Variants in PCDHGA6 observed in about 807,000 individuals in gnomAD.
PCDHGA6 encodes the protein protocadherin gamma-A6.
PCDHGA6 carries 41 observed loss-of-function variants against 60.6 expected under a neutral mutation model. The ratio of observed to expected loss-of-function variants is 0.68; its 90% CI spans 0.53 to 0.88. The LOEUF (loss-of-function observed/expected upper bound fraction) is 0.88. Among genes scored for constraint, PCDHGA6 ranks in the 40% least tolerant of loss-of-function variants. PCDHGA6 has a pLI of 0.00. For missense variants in PCDHGA6, 1,312 were observed against 1,203.0 expected (o/e 1.09, Z -1.34); for synonymous variants, 594 against 524.4 (o/e 1.13, Z -1.81).
At position 141,374,173 on chromosome 5, in the gene PCDHGA6, G is replaced by A; in HGVS notation, c.90G>A (p.Gln30=). The part of the protein sequence containing the change: ...LGTLWGAAAA[Q]IRYSIPEELE... Reference sequence around the variant, plus strand: ...CGCTGTGGGGGGCCGCGGCAGCGCAGATCCGCTACTCTATTCCCGAGGAGC... The same window carrying A: ...CGCTGTGGGGGGCCGCGGCAGCGCAAATCCGCTACTCTATTCCCGAGGAGC... The change falls in exon 1 of 4, where the codon CAG becomes CAA. Residue 30 remains glutamine, a synonymous_variant. Coordinates refer to ENST00000517434, the MANE Select transcript of PCDHGA6 (RefSeq NM_018919.3). The A allele has an allele frequency of 6.2e-7, 1 of 1,613,470 alleles. No homozygotes were observed. The highest frequency in any genetic ancestry group is 8.5e-7 in the Non-Finnish European group (1 of 1,179,736).
Position 141,387,890 on chromosome 5 carries a change from G to A in PCDHGA6, c.2424+11383G>A, listed in dbSNP as rs541321171. On this transcript the variant is annotated intron_variant, in intron 1 of 3. Coordinates refer to ENST00000517434, the MANE Select transcript of PCDHGA6 (RefSeq NM_018919.3). ...AGCTGAGGAGAGCAAGAGGGATGGG[G>A]AGCGGCGCCGGGGAGCTGGGCCGGG... The A allele has an allele frequency of 1.9e-6, 3 of 1,554,976 alleles. No homozygotes were observed. The South Asian group carries it at 3.7e-5, about 19-fold the overall frequency.
In PCDHGA6 at chr5:141,476,584, C is replaced by A; in HGVS notation, c.2425-18223C>A. ...TGGCTCCGGGGACGCGCTTTCCGCTCGAGAGCGCGCACGATCCCGATGTGG... is the reference window on the plus strand; with the variant it reads ...TGGCTCCGGGGACGCGCTTTCCGCTAGAGAGCGCGCACGATCCCGATGTGG... On this transcript the variant is annotated intron_variant, in intron 1 of 3. Coordinates refer to ENST00000517434, the MANE Select transcript of PCDHGA6 (RefSeq NM_018919.3). This position sits in a 1 kb window ranked among gnomAD's most constrained non-coding sequence, Gnocchi z 7.6. The A allele has an allele frequency of 6.2e-7, 1 of 1,614,216 alleles. No homozygotes were observed. The highest frequency in any genetic ancestry group is 8.5e-7 in the Non-Finnish European group (1 of 1,180,042).
At chr5:141,494,364 G>A (rs1461560857) in intron 1 of PCDHGA6, among the ~76,000 whole-genome samples, 1 of 152,202 alleles carries the variant, frequency 6.6e-6, no homozygotes, top group African/African-American at 2.4e-5. Context: ...TGCAGAGGAT[G>A]CTTTGTTCCC....
chr5:141,490,644 T>C lies in PCDHGA6; in HGVS notation c.2425-4163T>C. The C allele has an allele frequency of 6.2e-7, 1 of 1,614,188 alleles. No homozygotes were observed. Among genetic ancestry groups the C allele is most frequent in the Non-Finnish European group, 8.5e-7 (1 of 1,180,016 alleles). On this transcript the variant is annotated intron_variant, in intron 1 of 3. Coordinates refer to ENST00000517434, the MANE Select transcript of PCDHGA6 (RefSeq NM_018919.3). The surrounding 1 kb of genome is among the most constrained non-coding windows in gnomAD (Gnocchi z 5.4). Reference sequence around the variant, plus strand: ...CTGCTTACATCCTAGAAAACCGGCCTCCGGGCTCCCTTCTTTGCACTGTGG... The same window carrying C: ...CTGCTTACATCCTAGAAAACCGGCCCCCGGGCTCCCTTCTTTGCACTGTGG...
intron 1 of PCDHGA6, among the ~76,000 whole-genome samples, chr5:141,447,279 A>G (rs1394174534): frequency 1.3e-5 from 2 of 152,156 alleles, no homozygotes; most frequent in African/African-American, 4.8e-5. Flanking sequence ...AGCTGGGACT[A>G]CAGGCACATG....
intron 3 of PCDHGA6, among the ~76,000 whole-genome samples, chr5:141,510,117 T>C (rs1205620535): frequency 6.6e-6 from 1 of 151,908 alleles, no homozygotes; most frequent in East Asian, 1.9e-4. Context: ...TGTTTTGAAA[T>C]ACAAAAATTA....
At chr5:141,419,318 G>A in intron 1 of PCDHGA6, 1 of 1,613,992 alleles carries the variant, frequency 6.2e-7, no homozygotes, top group Non-Finnish European at 8.5e-7. Flanking sequence ...CAACGGCCGT[G>A]TCTCCTACTC....
intron 1 of PCDHGA6, chr5:141,399,589 A>T: frequency 6.2e-7 from 1 of 1,613,984 alleles, no homozygotes; most frequent in Non-Finnish European, 8.5e-7. Context: ...CTACTCTATC[A>T]TGGCCAGCGA....
intron 1 of PCDHGA6, chr5:141,392,356 G>A (rs970397239): frequency 6.6e-6 from 1 of 152,614 alleles, no homozygotes; most frequent in Admixed American, 6.5e-5. Flanking sequence ...TTAATCCGAT[G>A]CTACAATCTG....
Position 141,432,325 on chromosome 5 carries a change from C to CGAGCA in PCDHGA6, c.2424+55820_2424+55824dup, listed in dbSNP as rs768604869. On this transcript the variant is annotated intron_variant, in intron 1 of 3. Coordinates refer to ENST00000517434, the MANE Select transcript of PCDHGA6 (RefSeq NM_018919.3). This position sits in a 1 kb window ranked among gnomAD's most constrained non-coding sequence, Gnocchi z 6.0. Reference sequence around the variant, plus strand: ...TGTATGCGCTGAGCTCCTTCGACTACGAGCAGTTCCGAGACTTGCAAGTGA... The same window carrying CGAGCA: ...TGTATGCGCTGAGCTCCTTCGACTACGAGCAGAGCAGTTCCGAGACTTGCAAGTGA... 20 of 1,614,142 alleles carry CGAGCA rather than the reference C, an allele frequency of 1.2e-5. No individual in the cohort carries two copies. Among genetic ancestry groups the CGAGCA allele is most frequent in the Non-Finnish European group, 1.7e-5 (20 of 1,180,050 alleles).
chr5:141,509,699 C>T (rs779592471), intron 3 of PCDHGA6, among the ~76,000 whole-genome samples: 4 of 152,168 alleles, frequency 2.6e-5, no homozygotes, highest in Non-Finnish European at 5.9e-5. Flanking sequence ...GGACGTTGGA[C>T]TGGAGGTGCT....
rs17097294 is a variant in PCDHGA6 at position 141,425,513 on chromosome 5, T to G, written c.2424+49006T>G. On this transcript the variant is annotated intron_variant, in intron 1 of 3. Coordinates refer to ENST00000517434, the MANE Select transcript of PCDHGA6 (RefSeq NM_018919.3). ...AGGCTATACCTTTATATTCTCTTTA[T>G]GATGAAACATGAAACAATAATCCTT... Among the ~76,000 whole-genome samples, 699 of 152,380 alleles carry G rather than the reference T, an allele frequency of 4.6e-3. 4 individuals carry two copies. The highest frequency in any genetic ancestry group is 0.015 in the African/African-American group (636 of 41,592).
At chr5:141,478,236 TCA>T in intron 1 of PCDHGA6, 3 of 1,614,156 alleles carry the variant, frequency 1.9e-6, no homozygotes, top group Non-Finnish European at 2.5e-6. Flanking sequence ...GGGTTTGTGG[TCA>T]CAGTGTTCGG....
intron 1 of PCDHGA6, among the ~76,000 whole-genome samples, chr5:141,488,139 T>A (rs906194527): frequency 6.6e-6 from 1 of 152,084 alleles, no homozygotes; most frequent in Non-Finnish European, 1.5e-5. Context: ...AGGAGAGAAC[T>A]AAAGGAATAG....
chr5:141,454,172 C>T (rs1001368287), intron 1 of PCDHGA6, among the ~76,000 whole-genome samples: 4 of 152,126 alleles, frequency 2.6e-5, no homozygotes, highest in Non-Finnish European at 5.9e-5. Context: ...TCTAGAAGGG[C>T]AGCTAAAGGA....
At position 141,431,493 on chromosome 5, in the gene PCDHGA6, C is replaced by G. The variant is rs1281626711; in HGVS notation, c.2424+54986C>G. On this transcript the variant is annotated intron_variant, in intron 1 of 3. Transcript: ENST00000517434. The surrounding 1 kb of genome is among the most constrained non-coding windows in gnomAD (Gnocchi z 4.8). ...GACAACGCACCAGCGTTTGCTCAGC[C>G]CGAGTACCGCGCGAGCGTTCCGGAG... 1 of 1,613,994 alleles carries G rather than the reference C, an allele frequency of 6.2e-7. No individual in the cohort carries two copies. The highest frequency in any genetic ancestry group is 8.5e-7 in the Non-Finnish European group (1 of 1,180,042).
rs2099725414 is a variant in PCDHGA6, at chr5:141,491,703, GA to G, written c.2425-3103del. On this transcript the variant is annotated intron_variant, in intron 1 of 3. Coordinates refer to ENST00000517434, the MANE Select transcript of PCDHGA6 (RefSeq NM_018919.3). The surrounding 1 kb of genome is among the most constrained non-coding windows in gnomAD (Gnocchi z 6.9). ...ATACGCTGCGGGAGCGGAGCCAGGT[GA>G]GGGGCTCGGCGCCGCCCCGGGCGAC... is the stretch of plus-strand genomic sequence containing the variant. The G allele has an allele frequency of 3.7e-6, 6 of 1,611,396 alleles. No homozygotes were observed.
intron 1 of PCDHGA6, chr5:141,433,315 TCCGGTGTAACAGGGACTA>T: frequency 1.2e-6 from 1 of 856,086 alleles, no homozygotes; most frequent in Non-Finnish European, 1.8e-6. Flanking sequence ...CACCTTTGCC[TCCGGTGTAACAGGGACTA>T]CAGGTGCAAG....
chr5:141,473,237 A>C (rs2099317600), intron 1 of PCDHGA6, among the ~76,000 whole-genome samples: 1 of 152,194 alleles, frequency 6.6e-6, no homozygotes, highest in African/African-American at 2.4e-5. Context: ...GATCCACACA[A>C]GTGAATACAT....
Sources: allele counts gnomAD v4.1 joint callset (sites outside exome capture counted in the v4.1 genomes callset), GRCh38; gene constraint gnomAD v4.1.1; non-coding constraint Gnocchi (gnomAD v3.1); transcripts MANE v1.5; gene names NCBI Gene and HGNC (gene_info 2026-07-23, HGNC 2026-07-21).